The following CUX2 variants were observed in gnomAD, a reference collection of about 807,000 sequenced individuals.
The protein encoded by CUX2 is cut like homeobox 2.
A neutral mutation model predicts 144.8 loss-of-function variants in CUX2; 40 were observed. The observed-to-expected ratio is 0.28, with a 90% confidence interval of 0.21 to 0.36. The LOEUF is 0.36. Among genes scored for constraint, CUX2 ranks in the 10% least tolerant of loss-of-function variants. The pLI is 1.00. For missense variants in CUX2, 1,615 were observed against 1,994.0 expected, an observed-to-expected ratio of 0.81 and a Z score of 3.62; for synonymous variants, 827 against 875.6, an observed-to-expected ratio of 0.94 and a Z score of 0.98.
intron 1 of CUX2, among the ~76,000 whole-genome samples, chr12:111,040,193 G>T (rs1279868959): frequency 6.6e-6 from 1 of 151,928 alleles, no homozygotes; most frequent in Non-Finnish European, 1.5e-5. Flanking sequence ...AGGCTGAGGT[G>T]GGAGGATTGC....
intron 3 of CUX2, among the ~76,000 whole-genome samples, chr12:111,228,682 C>T (rs1192479331): frequency 2.0e-5 from 3 of 152,060 alleles, no homozygotes; most frequent in African/African-American, 4.8e-5. Context: ...CCTCGGCCTC[C>T]CCAAGTGCTA....
Position 111,312,016 on chromosome 12 carries a change from G to T in CUX2, c.1901-84G>T. The T allele has an allele frequency of 8.5e-7, 1 of 1,171,414 alleles. No homozygotes were observed. The highest frequency in any genetic ancestry group is 1.2e-6 in the Non-Finnish European group (1 of 818,262). 72.6% of individuals were successfully genotyped at this position (1,171,414 alleles called of 1,614,324 possible). A position where few individuals can be genotyped will look rare whatever the true frequency, so the allele number is the denominator to read the frequency against. Reference sequence around the variant, plus strand: ...TCTGACCCTCACTCTTCTGGGAGGAGGAGACAGCCCCCCTACCCCACCAGG... The same window carrying T: ...TCTGACCCTCACTCTTCTGGGAGGATGAGACAGCCCCCCTACCCCACCAGG... On this transcript the variant is annotated intron_variant, in intron 15 of 21. Coordinates refer to ENST00000261726, the MANE Select transcript of CUX2 (RefSeq NM_015267.4). This position sits in a 1 kb window ranked among gnomAD's most constrained non-coding sequence, Gnocchi z 4.3.
chr12:111,305,823 C>T lies in CUX2; in HGVS notation c.859-1098C>T, dbSNP rs114120336. ...AGAGCATGTGGCTTCTTTGAGCACG[C>T]GCATGTCTGTTGTGTGTGATGATGT... On this transcript the variant is annotated intron_variant, in intron 10 of 21. Coordinates refer to ENST00000261726, the MANE Select transcript of CUX2 (RefSeq NM_015267.4). Among the ~76,000 whole-genome samples, 939 of 152,162 alleles carry T rather than the reference C, an allele frequency of 6.2e-3. 10 individuals carry two copies. The highest frequency in any genetic ancestry group is 0.021 in the African/African-American group (872 of 41,498).
intron 3 of CUX2, among the ~76,000 whole-genome samples, chr12:111,256,280 C>T (rs549718941): frequency 1.3e-5 from 2 of 152,210 alleles, no homozygotes; most frequent in African/African-American, 4.8e-5. Context: ...CCCTGATCTG[C>T]ATGCCCTAAA....
At chr12:111,209,274 G>A (rs765685919) in intron 1 of CUX2, among the ~76,000 whole-genome samples, 1 of 152,196 alleles carries the variant, frequency 6.6e-6, no homozygotes, top group African/African-American at 2.4e-5. Flanking sequence ...GCACATGCCT[G>A]TAGTCCCAGC....
At position 111,190,550 on chromosome 12, in the gene CUX2, C is replaced by G. The variant is rs191704277; in HGVS notation, c.64-23650C>G. ...AACCATGGTCTTCCTTTTGCATTTT[C>G]CCACCTCTTGATGCTTTTTGACTAT... On this transcript the variant is annotated intron_variant, in intron 1 of 21. Coordinates refer to ENST00000261726, the MANE Select transcript of CUX2 (RefSeq NM_015267.4). The surrounding 1 kb of genome is among the most constrained non-coding windows in gnomAD (Gnocchi z 4.0). Among the ~76,000 whole-genome samples the G allele has an allele frequency of 6.6e-6, 1 of 152,310 alleles. No homozygotes were observed. The highest frequency in any genetic ancestry group is 6.5e-5 in the Admixed American group (1 of 15,300).
At chr12:111,342,370 A>G (rs1040287224) in intron 21 of CUX2, among the ~76,000 whole-genome samples, 2 of 152,118 alleles carry the variant, frequency 1.3e-5, no homozygotes, top group Non-Finnish European at 2.9e-5. Flanking sequence ...AGTCCCAGCT[A>G]CTTGGGAGGC....
At chr12:111,228,300 A>G (rs1047619801) in intron 3 of CUX2, among the ~76,000 whole-genome samples, 5 of 152,118 alleles carry the variant, frequency 3.3e-5, no homozygotes, top group South Asian at 2.1e-4. Context: ...ATCCCTCAGT[A>G]TATGCAGGGG....
rs191147899 is a variant in CUX2, at chr12:111,202,180, G to A, written c.64-12020G>A. On this transcript the variant is annotated intron_variant, in intron 1 of 21. Transcript: ENST00000261726. The stretch of plus-strand genomic sequence containing the variant: ...CCCTTTCCCCTGCCCCCATTTTGCC[G>A]GGGGAAGCACTCTCTGGCCTCTCAC... Among the ~76,000 whole-genome samples, 95 of 152,288 alleles carry A rather than the reference G, an allele frequency of 6.2e-4. 2 individuals carry two copies. Among genetic ancestry groups the A allele is most frequent in the African/African-American group, 2.3e-3 (94 of 41,552 alleles).
rs1342893297 is a variant in CUX2, at chr12:111,186,937, C to T, written c.64-27263C>T. On this transcript the variant is annotated intron_variant, in intron 1 of 21. Coordinates refer to ENST00000261726, the MANE Select transcript of CUX2 (RefSeq NM_015267.4). This position sits in a 1 kb window ranked among gnomAD's most constrained non-coding sequence, Gnocchi z 4.4. ...GGGATTACAGGCACGTGCCACCATGCCTGGCTAATTTTTGTATTTTTGGTA... is the reference window on the plus strand; with the variant it reads ...GGGATTACAGGCACGTGCCACCATGTCTGGCTAATTTTTGTATTTTTGGTA... Among the ~76,000 whole-genome samples the T allele has an allele frequency of 6.6e-6, 1 of 152,058 alleles. No individual in the cohort carries two copies. Among genetic ancestry groups the T allele is most frequent in the African/African-American group, 2.4e-5 (1 of 41,416 alleles).
chr12:111,060,428 C>A (rs961538983), intron 1 of CUX2, among the ~76,000 whole-genome samples: 1 of 152,232 alleles, frequency 6.6e-6, no homozygotes, highest in African/African-American at 2.4e-5. Context: ...CTCTCCTGAA[C>A]CTCCTGGCTG....
intron 3 of CUX2, among the ~76,000 whole-genome samples, chr12:111,253,306 G>A (rs1447517195): frequency 2.7e-5 from 3 of 110,914 alleles, no homozygotes; most frequent in African/African-American, 5.4e-5. Flanking sequence ...TCTTCCCCCC[G>A]ACTCACCTCC....
chr12:111,084,259 T>C (rs755037430), intron 1 of CUX2, among the ~76,000 whole-genome samples: 38 of 152,100 alleles, frequency 2.5e-4, no homozygotes, highest in Non-Finnish European at 4.7e-4. Flanking sequence ...CCCTGAGACA[T>C]AAAGGATTTC....
chr12:111,197,044 A>G (rs1880283358), intron 1 of CUX2, among the ~76,000 whole-genome samples: 1 of 152,172 alleles, frequency 6.6e-6, no homozygotes, highest in African/African-American at 2.4e-5. Flanking sequence ...TTGTAGAGGC[A>G]CTAAAAGAGA....
intron 1 of CUX2, among the ~76,000 whole-genome samples, chr12:111,211,751 G>T (rs1881240431): frequency 6.6e-6 from 1 of 152,094 alleles, no homozygotes; most frequent in African/African-American, 2.4e-5. Context: ...CAGGCTTGGT[G>T]GTGGGTGCTT....
chr12:111,347,125 G>T (rs976442880), intron 21 of CUX2, among the ~76,000 whole-genome samples: 4 of 152,004 alleles, frequency 2.6e-5, no homozygotes, highest in Non-Finnish European at 4.4e-5. Context: ...GGTGTGTATT[G>T]TACCCTTACA....
At position 111,334,556 on chromosome 12, in the gene CUX2, G is replaced by A; in HGVS notation, c.3042G>A (p.Gln1014=). ...LSLESSKENQ[Q]PEGRSSSSLS... ...TGGAGAGCAGCAAGGAGAACCAGCA[G>A]CCAGAGGGCCGCTCCAGCTCCTCGT... The change falls in exon 19 of 22, where the codon CAG becomes CAA. Residue 1014 remains glutamine, a synonymous_variant. Transcript: ENST00000261726. 6.2e-7 allele frequency: 1 copy of A among 1,614,002 alleles called. No homozygotes were observed. Among genetic ancestry groups the A allele is most frequent in the Non-Finnish European group, 8.5e-7 (1 of 1,180,014 alleles).
At chr12:111,209,328 A>G (rs1881084082) in intron 1 of CUX2, among the ~76,000 whole-genome samples, 1 of 152,140 alleles carries the variant, frequency 6.6e-6, no homozygotes, top group South Asian at 2.1e-4. Context: ...TGGGAAGTGA[A>G]GGCTGCGGTG....
In CUX2 at chr12:111,304,706, C is replaced by CA. The variant is rs1886488001; in HGVS notation, c.858+394dup. 6.6e-6 allele frequency among the ~76,000 whole-genome samples: 1 copy of CA among 152,234 alleles called. No individual in the cohort carries two copies. The highest frequency in any genetic ancestry group is 2.4e-5 in the African/African-American group (1 of 41,550). On this transcript the variant is annotated intron_variant, in intron 10 of 21. Transcript: ENST00000261726. This position sits in a 1 kb window ranked among gnomAD's most constrained non-coding sequence, Gnocchi z 4.7. Reference sequence around the variant, plus strand: ...GACATGGGGGAGAGGGAGTTTGAGGCAATACAGCAGCATGCAGTTTTGGTG... The same window carrying CA: ...GACATGGGGGAGAGGGAGTTTGAGGCAAATACAGCAGCATGCAGTTTTGGTG...
Sources: allele counts gnomAD v4.1 joint callset (sites outside exome capture counted in the v4.1 genomes callset), GRCh38; gene constraint gnomAD v4.1.1; non-coding constraint Gnocchi (gnomAD v3.1); transcripts MANE v1.5; gene names NCBI Gene and HGNC (gene_info 2026-07-23, HGNC 2026-07-21).